GUCY1A2: variants seen among roughly 807,000 people sequenced by gnomAD.
The protein encoded by GUCY1A2 is guanylate cyclase 1 soluble subunit alpha 2.
A neutral mutation model predicts 63.5 loss-of-function variants in GUCY1A2; 27 were observed. The ratio of observed to expected loss-of-function variants is 0.43; its 90% CI spans 0.31 to 0.59. The LOEUF is 0.59. Ranked by LOEUF, GUCY1A2 falls within the 20% of genes least tolerant of loss-of-function variation. The pLI is 0.11. For synonymous variants in GUCY1A2, 364 were observed against 343.5 expected (o/e 1.06, Z -0.66); for missense variants, 768 against 913.3 (o/e 0.84, Z 2.05).
intron 4 of GUCY1A2, among the ~76,000 whole-genome samples, chr11:106,828,953 A>G (rs1367499115): frequency 6.6e-6 from 1 of 152,250 alleles, no homozygotes; most frequent in Non-Finnish European, 1.5e-5. Flanking sequence ...TCGTGAAAAC[A>G]TTAGAGATGT....
chr11:106,901,558 T>C (rs1300226193), intron 4 of GUCY1A2, among the ~76,000 whole-genome samples: 1 of 152,182 alleles, frequency 6.6e-6, no homozygotes, highest in Non-Finnish European at 1.5e-5. Context: ...GTTTGTTACA[T>C]ATGTATACAT....
chr11:106,722,850 T>G (rs1863340699), intron 6 of GUCY1A2, among the ~76,000 whole-genome samples: 1 of 151,788 alleles, frequency 6.6e-6, no homozygotes, highest in Non-Finnish European at 1.5e-5. Context: ...AGGAATCCCT[T>G]TGCATATAGA....
intron 4 of GUCY1A2, among the ~76,000 whole-genome samples, chr11:106,865,350 AT>A (rs1480722309): frequency 6.6e-6 from 1 of 151,842 alleles, no homozygotes; most frequent in Non-Finnish European, 1.5e-5. Context: ...GGATTCATTG[AT>A]TTTTTGAAGG....
chr11:106,916,895 G>C (rs1194708699), intron 4 of GUCY1A2, among the ~76,000 whole-genome samples: 1 of 145,400 alleles, frequency 6.9e-6, no homozygotes, highest in African/African-American at 2.4e-5. Context: ...GTACAAACTA[G>C]AAATTGCAGA....
intron 4 of GUCY1A2, among the ~76,000 whole-genome samples, chr11:106,870,413 G>C (rs1009314543): frequency 2.6e-4 from 40 of 151,978 alleles, no homozygotes; most frequent in African/African-American, 9.7e-4. Flanking sequence ...TTTTATAGTT[G>C]TATGTGAATT....
In GUCY1A2 at chr11:106,677,774, GTC is replaced by G; in HGVS notation, c.*9773_*9774del. On this transcript the variant is annotated 3_prime_UTR_variant, in exon 8 of 8. Coordinates refer to ENST00000526355, the MANE Select transcript of GUCY1A2 (RefSeq NM_000855.3). ...GATGTAAGCAAAGTCTGATTTTTGT[GTC>G]TCTTTCCATCTTCTCTACTGGTATC... is the stretch of plus-strand genomic sequence containing the variant. 4.7e-6 allele frequency: 1 copy of G among 211,266 alleles called. No homozygotes were observed. The highest frequency in any genetic ancestry group is 9.6e-6 in the Non-Finnish European group (1 of 104,054). The allele number at this position is 211,266 out of a possible 1,614,324, so 13.1% of individuals were successfully genotyped here. A position where few individuals can be genotyped will look rare whatever the true frequency, so the allele number is the denominator to read the frequency against.
intron 3 of GUCY1A2, among the ~76,000 whole-genome samples, chr11:106,955,608 G>T (rs1860973553): frequency 6.6e-6 from 1 of 151,310 alleles, no homozygotes; most frequent in Non-Finnish European, 1.5e-5. Flanking sequence ...AATTATTTAA[G>T]ATATTAAATA....
chr11:106,776,683 C>T, intron 5 of GUCY1A2, 101 bp from the exon 6 acceptor site: 1 of 1,089,706 alleles, frequency 9.2e-7, no homozygotes, highest in South Asian at 1.4e-5. Context: ...AACATGTCGG[C>T]AAAACATCAA....
At chr11:106,856,572 G>A (rs1859439071) in intron 4 of GUCY1A2, among the ~76,000 whole-genome samples, 1 of 152,080 alleles carries the variant, frequency 6.6e-6, no homozygotes, top group Non-Finnish European at 1.5e-5. Context: ...TCTGTAACTA[G>A]AAAGTTTCAT....
intron 4 of GUCY1A2, among the ~76,000 whole-genome samples, chr11:106,919,095 T>C (rs1860406121): frequency 6.6e-6 from 1 of 152,134 alleles, no homozygotes; most frequent in Non-Finnish European, 1.5e-5. Context: ...AAGGAGGCAT[T>C]GTCTCTGCCT....
chr11:106,764,974 G>GGA (rs1161616911), intron 6 of GUCY1A2, among the ~76,000 whole-genome samples: 3 of 94,844 alleles, frequency 3.2e-5, no homozygotes, highest in East Asian at 8.2e-4. Context: ...TTTTTTTGGG[G>GGA]GGGGGTTGGG....
intron 4 of GUCY1A2, among the ~76,000 whole-genome samples, chr11:106,868,132 G>T (rs1203979605): frequency 6.6e-6 from 1 of 151,966 alleles, no homozygotes; most frequent in Non-Finnish European, 1.5e-5. Flanking sequence ...CATAAACCCA[G>T]GTTAGGGAAC....
intron 4 of GUCY1A2, among the ~76,000 whole-genome samples, chr11:106,861,631 C>G (rs1221982765): frequency 6.6e-6 from 1 of 151,916 alleles, no homozygotes; most frequent in African/African-American, 2.4e-5. Flanking sequence ...ATTCTGAAGG[C>G]AGAGATGTGT....
rs1226157556 is a variant in GUCY1A2, at chr11:106,810,488, T to C, written c.1207-10A>G. 6.3e-7 allele frequency: 1 copy of C among 1,586,142 alleles called. No individual in the cohort carries two copies. Among genetic ancestry groups the C allele is most frequent in the East Asian group, 2.2e-5 (1 of 44,502 alleles). On this transcript the variant is annotated splice_polypyrimidine_tract_variant and intron_variant, in intron 4 of 7. Transcript: ENST00000526355. ...CTTTGACTTCCATCACCTGTGAAAT[T>C]AACATGGAATTTTGATCAGTACTCT...
At chr11:106,895,204 A>G (rs1380063308) in intron 4 of GUCY1A2, among the ~76,000 whole-genome samples, 3 of 152,202 alleles carry the variant, frequency 2.0e-5, no homozygotes, top group African/African-American at 7.2e-5. Context: ...GATAATCTGT[A>G]AAGCTCTATA....
intron 4 of GUCY1A2, chr11:106,827,170 C>A (rs1005212078): frequency 3.3e-6 from 5 of 1,498,342 alleles, no homozygotes; most frequent in Non-Finnish European, 4.7e-6. Flanking sequence ...AAGATTCAAG[C>A]CTTCATGCCA....
chr11:106,806,736 T>C lies in GUCY1A2; in HGVS notation c.1692+3257A>G, dbSNP rs150399146. ...TAGTATTCATACACCTGTAACATCT[T>C]GGCAGTTAAGCATTGGAAAGGCTTT... is the stretch of plus-strand genomic sequence containing the variant. On this transcript the variant is annotated intron_variant, in intron 5 of 7. Coordinates refer to ENST00000526355, the MANE Select transcript of GUCY1A2 (RefSeq NM_000855.3). Among the ~76,000 whole-genome samples the C allele has an allele frequency of 6.6e-3, 1,003 of 152,332 alleles. 5 individuals are homozygous for C. Among genetic ancestry groups the C allele is most frequent in the Middle Eastern group, 0.037 (11 of 294 alleles).
intron 4 of GUCY1A2, among the ~76,000 whole-genome samples, chr11:106,892,696 T>C (rs1251411259): frequency 6.6e-6 from 1 of 152,168 alleles, no homozygotes; most frequent in Non-Finnish European, 1.5e-5. Context: ...GTTCAAAAAT[T>C]TCTTTATTTC....
chr11:106,722,197 G>A (rs1434815890), intron 6 of GUCY1A2, among the ~76,000 whole-genome samples: 3 of 151,996 alleles, frequency 2.0e-5, no homozygotes, highest in South Asian at 4.1e-4. Context: ...ATTCATCTTT[G>A]TATTCCTCAA....
Sources: gnomAD v4.1 joint callset for allele counts (sites outside exome capture counted in the v4.1 genomes callset) on GRCh38, gnomAD v4.1.1 for gene constraint, MANE v1.5 for transcripts, NCBI Gene and HGNC (gene_info 2026-07-23, HGNC 2026-07-21) for gene names.